The following FOCAD variants were observed in gnomAD, a reference collection of about 807,000 sequenced individuals.
The protein encoded by FOCAD is KIAA1797.
FOCAD carries 198 observed loss-of-function variants against 225.6 expected under a neutral mutation model. The observed-to-expected ratio is 0.88, with a 90% CI of 0.78 to 0.99. The LOEUF (loss-of-function observed/expected upper bound fraction) is 0.99. Among genes scored for constraint, FOCAD ranks in the 50% least tolerant of loss-of-function variants. The pLI is 0.00. For synonymous variants in FOCAD, 897 were observed against 755.0 expected (o/e 1.19, Z -3.08); for missense variants, 2,713 against 2,123.6 (o/e 1.28, Z -5.46).
intron 21 of FOCAD, among the ~76,000 whole-genome samples, chr9:20,898,213 G>T (rs1693973952): frequency 6.6e-6 from 1 of 151,626 alleles, no homozygotes; most frequent in African/African-American, 2.4e-5. Flanking sequence ...AATACCTATA[G>T]GTTTTTGGCA....
intron 1 of FOCAD, among the ~76,000 whole-genome samples, chr9:20,688,000 C>T (rs966310431): frequency 3.3e-5 from 5 of 152,086 alleles, no homozygotes; most frequent in Non-Finnish European, 7.4e-5. Flanking sequence ...CACAAGAAAG[C>T]AGTGAGGACA....
chr9:20,793,619 A>T (rs960891513), intron 11 of FOCAD, among the ~76,000 whole-genome samples: 1 of 152,180 alleles, frequency 6.6e-6, no homozygotes. Context: ...ATTGAACAGC[A>T]AGCATCAGAA....
At chr9:20,862,218 A>G (rs1266511808) in intron 15 of FOCAD, among the ~76,000 whole-genome samples, 2 of 152,124 alleles carry the variant, frequency 1.3e-5, no homozygotes, top group African/African-American at 2.4e-5. Context: ...GGCTAGCATT[A>G]TCTTACCTGC....
chr9:20,672,562 T>C (rs980396220), intron 2 of FOCAD, among the ~76,000 whole-genome samples: 6 of 152,218 alleles, frequency 3.9e-5, no homozygotes, highest in Non-Finnish European at 7.3e-5. Context: ...GCCATTCTCC[T>C]GCCTCAGACT....
At chr9:20,804,668 G>A (rs1320757392) in intron 11 of FOCAD, among the ~76,000 whole-genome samples, 1 of 152,038 alleles carries the variant, frequency 6.6e-6, no homozygotes, top group Admixed American at 6.6e-5. Flanking sequence ...AAATTAAATC[G>A]CCTGATTGAG....
In FOCAD at chr9:20,665,048, A is replaced by G. The variant is rs1821856366; in HGVS notation, c.-78+6222A>G. Among the ~76,000 whole-genome samples the G allele has an allele frequency of 1.3e-5, 2 of 152,286 alleles. 1 individual carries two copies. Among genetic ancestry groups the G allele is most frequent in the South Asian group, 4.2e-4 (2 of 4,818 alleles). On this transcript the variant is annotated intron_variant, in intron 2 of 45. Coordinates refer to the FOCAD transcript ENST00000380249. Reference sequence around the variant, plus strand: ...ATTAGTTGACTTAATTAAAAAAGGAAAATGATAAACCAGGGTAGAGTACTC... The same window carrying G: ...ATTAGTTGACTTAATTAAAAAAGGAGAATGATAAACCAGGGTAGAGTACTC...
intron 5 of FOCAD, among the ~76,000 whole-genome samples, chr9:20,754,919 T>G (rs1035175377): frequency 2.0e-5 from 3 of 152,194 alleles, no homozygotes; most frequent in African/African-American, 7.2e-5. Flanking sequence ...GCCTAAGGCT[T>G]TATGGATTAT....
chr9:20,727,255 A>G (rs1826275782), intron 4 of FOCAD, among the ~76,000 whole-genome samples: 1 of 151,998 alleles, frequency 6.6e-6, no homozygotes, highest in Non-Finnish European at 1.5e-5. Flanking sequence ...GGTTCCAGCC[A>G]CTTTTCTGAT....
chr9:20,818,872 C>T (rs1361873951), intron 11 of FOCAD, among the ~76,000 whole-genome samples: 1 of 151,970 alleles, frequency 6.6e-6, no homozygotes, highest in Admixed American at 6.6e-5. Flanking sequence ...TTTACACATG[C>T]GTTTATGATC....
chr9:20,907,533 T>C (rs1308230591), intron 22 of FOCAD, among the ~76,000 whole-genome samples: 1 of 152,000 alleles, frequency 6.6e-6, no homozygotes, highest in Non-Finnish European at 1.5e-5. Flanking sequence ...GCACCTGACT[T>C]GAGTGCATCC....
At chr9:20,818,220 T>C (rs1055235185) in intron 11 of FOCAD, among the ~76,000 whole-genome samples, 9 of 151,846 alleles carry the variant, frequency 5.9e-5, no homozygotes, top group African/African-American at 1.5e-4. Flanking sequence ...TTTTAAAACC[T>C]TTTTTTTGGG....
intron 21 of FOCAD, among the ~76,000 whole-genome samples, chr9:20,900,719 C>T (rs902765767): frequency 6.6e-6 from 1 of 151,876 alleles, no homozygotes; most frequent in African/African-American, 2.4e-5. Context: ...GTATGGTTTG[C>T]TGTATTTTAG....
intron 2 of FOCAD, among the ~76,000 whole-genome samples, chr9:20,665,153 G>A (rs1288613159): frequency 6.6e-6 from 1 of 152,122 alleles, no homozygotes; most frequent in Non-Finnish European, 1.5e-5. Flanking sequence ...CTGGCTTAGA[G>A]ACTGCTAAAG....
chr9:20,861,621 A>G (rs1828779979), intron 15 of FOCAD, among the ~76,000 whole-genome samples: 1 of 152,172 alleles, frequency 6.6e-6, no homozygotes, highest in Non-Finnish European at 1.5e-5. Flanking sequence ...CTCCTTAAGT[A>G]TATATTACTC....
At chr9:20,723,986 G>A (rs947002344) in intron 4 of FOCAD, among the ~76,000 whole-genome samples, 1 of 152,108 alleles carries the variant, frequency 6.6e-6, no homozygotes, top group South Asian at 2.1e-4. Flanking sequence ...AAGAGAGAGA[G>A]GGGGAGGTCC....
intron 1 of FOCAD, among the ~76,000 whole-genome samples, chr9:20,691,856 C>G (rs935529418): frequency 1.3e-5 from 2 of 152,050 alleles, no homozygotes; most frequent in Non-Finnish European, 2.9e-5. Flanking sequence ...TCACTGCAAC[C>G]TCCGCCTCCC....
intron 24 of FOCAD, among the ~76,000 whole-genome samples, chr9:20,922,846 C>T (rs568688098): frequency 6.6e-6 from 1 of 152,250 alleles, no homozygotes; most frequent in East Asian, 1.9e-4. Context: ...TGATTGGTGT[C>T]CCATAGGGGA....
intron 2 of FOCAD, among the ~76,000 whole-genome samples, chr9:20,663,149 G>T (rs1821785073): frequency 6.6e-6 from 1 of 152,110 alleles, no homozygotes; most frequent in African/African-American, 2.4e-5. Context: ...CTCTTTGAGA[G>T]GCTGAGGTGG....
At position 20,725,823 on chromosome 9, in the gene FOCAD, T is replaced by C. The variant is rs924102508; in HGVS notation, c.287+5289T>C. ...AAGGGTCTGGCTGTGCTTGAGAGAC[T>C]GTTCTCTTCAAAGGAATAGTTTCAT... is the stretch of plus-strand genomic sequence containing the variant. On this transcript the variant is annotated intron_variant, in intron 4 of 43. Coordinates refer to ENST00000338382, the MANE Select transcript of FOCAD (RefSeq NM_001375567.1). Among the ~76,000 whole-genome samples the C allele has an allele frequency of 3.3e-5, 5 of 152,332 alleles. No homozygotes were observed. In the South Asian group the frequency reaches 8.3e-4, roughly 25 times the overall value.
Sources: gnomAD v4.1 joint callset for allele counts (sites outside exome capture counted in the v4.1 genomes callset) on GRCh38, gnomAD v4.1.1 for gene constraint, MANE v1.5 for transcripts, NCBI Gene and HGNC (gene_info 2026-07-23, HGNC 2026-07-21) for gene names.